The following LRFN2 variants were observed in gnomAD, a reference collection of about 807,000 sequenced individuals.
LRFN2 encodes the protein leucine rich repeat and fibronectin type III domain containing 2.
A neutral mutation model predicts 37.3 loss-of-function variants in LRFN2; 18 were observed. That is an observed-to-expected ratio of 0.48 (90% CI 0.33 to 0.72). LRFN2 has a LOEUF of 0.72. Ranked by LOEUF, LRFN2 falls within the 30% of genes least tolerant of loss-of-function variation. The pLI, the probability that LRFN2 is intolerant of heterozygous loss-of-function variation, is 0.02. For missense variants in LRFN2, 1,006 were observed against 1,060.7 expected (o/e 0.95, Z 0.72); for synonymous variants, 556 against 466.6 (o/e 1.19, Z -2.47).
chr6:40,450,752 C>G (rs1361657259), intron 1 of LRFN2, among the ~76,000 whole-genome samples: 2 of 152,346 alleles, frequency 1.3e-5, no homozygotes, highest in East Asian at 3.9e-4. Flanking sequence ...AACTATGAAA[C>G]AAATTTTCAC....
In LRFN2 at chr6:40,450,632, C is replaced by T. The variant is rs144590211; in HGVS notation, c.-18-17501G>A. 7.2e-5 allele frequency among the ~76,000 whole-genome samples: 11 copies of T among 152,328 alleles called. No individual in the cohort carries two copies. In the East Asian group the frequency reaches 1.2e-3, roughly 16 times the overall value. Reference sequence around the variant, plus strand: ...CCGTCATGGGCAGACTGGTTATACACGGGCAACACCAAGTGAGGACACTCA... The same window carrying T: ...CCGTCATGGGCAGACTGGTTATACATGGGCAACACCAAGTGAGGACACTCA... On this transcript the variant is annotated intron_variant, in intron 1 of 2. Coordinates refer to ENST00000338305, the MANE Select transcript of LRFN2 (RefSeq NM_020737.3).
chr6:40,403,066 C>T (rs1468658505), intron 2 of LRFN2, among the ~76,000 whole-genome samples: 1 of 152,204 alleles, frequency 6.6e-6, no homozygotes, highest in East Asian at 1.9e-4. Context: ...GAGCCAGGTT[C>T]TTGCAAGTAT....
chr6:40,393,312 G>T (rs1168020242), intron 2 of LRFN2, among the ~76,000 whole-genome samples: 3 of 151,800 alleles, frequency 2.0e-5, no homozygotes, highest in African/African-American at 7.3e-5. Context: ...CCGAGGATGT[G>T]TCAGAGACCA....
chr6:40,452,260 C>T (rs2217721), intron 1 of LRFN2, among the ~76,000 whole-genome samples: 79,931 of 152,016 alleles, frequency 0.53, 21,158 homozygotes, highest in South Asian at 0.59. Flanking sequence ...ATGTCCATGG[C>T]ATCACCTGGC....
chr6:40,427,186 A>G (rs966784861), intron 2 of LRFN2, among the ~76,000 whole-genome samples: 1 of 152,374 alleles, frequency 6.6e-6, no homozygotes, highest in East Asian at 1.9e-4. Context: ...TATCAATCTT[A>G]ATTAGAAAAT....
intron 1 of LRFN2, among the ~76,000 whole-genome samples, chr6:40,446,111 C>T (rs941557227): frequency 6.6e-6 from 1 of 152,104 alleles, no homozygotes; most frequent in African/African-American, 2.4e-5. Flanking sequence ...TCCTGGGGAC[C>T]TCACCATTAG....
intron 1 of LRFN2, among the ~76,000 whole-genome samples, chr6:40,502,079 C>T (rs1165678542): frequency 2.0e-5 from 3 of 152,164 alleles, no homozygotes; most frequent in Non-Finnish European, 2.9e-5. Flanking sequence ...AAAATAACTA[C>T]CTTTCCACTT....
At chr6:40,413,697 T>A (rs1763024529) in intron 2 of LRFN2, among the ~76,000 whole-genome samples, 1 of 152,138 alleles carries the variant, frequency 6.6e-6, no homozygotes, top group Admixed American at 6.5e-5. Context: ...CCCAGGCCCT[T>A]GAAGCAGCCG....
intron 1 of LRFN2, among the ~76,000 whole-genome samples, chr6:40,580,108 T>A (rs1322129956): frequency 2.0e-5 from 3 of 152,250 alleles, no homozygotes; most frequent in African/African-American, 7.2e-5. Context: ...CGTAGCTTGA[T>A]CCCATCATGA....
At chr6:40,443,004 T>A (rs1581709478) in intron 1 of LRFN2, among the ~76,000 whole-genome samples, 2 of 144,390 alleles carry the variant, frequency 1.4e-5, no homozygotes, top group East Asian at 4.1e-4. Context: ...CTTAGGATTC[T>A]AATAACCCCT....
At chr6:40,480,501 C>T (rs568560509) in intron 1 of LRFN2, among the ~76,000 whole-genome samples, 59 of 152,170 alleles carry the variant, frequency 3.9e-4, no homozygotes, top group Admixed American at 7.8e-4. Flanking sequence ...TGGTCACGAC[C>T]TCCTGGGTTC....
At chr6:40,491,271 A>G (rs1765087250) in intron 1 of LRFN2, among the ~76,000 whole-genome samples, 1 of 152,176 alleles carries the variant, frequency 6.6e-6, no homozygotes. Flanking sequence ...TTGGGACCCC[A>G]CGAATTTAAC....
At chr6:40,429,440 T>G (rs1303292434) in intron 2 of LRFN2, among the ~76,000 whole-genome samples, 2 of 152,224 alleles carry the variant, frequency 1.3e-5, no homozygotes, top group East Asian at 3.8e-4. Flanking sequence ...CATGACCATA[T>G]AATAAATTCA....
intron 1 of LRFN2, among the ~76,000 whole-genome samples, chr6:40,490,742 C>A (rs922697541): frequency 9.2e-5 from 14 of 152,206 alleles, no homozygotes; most frequent in African/African-American, 3.4e-4. Context: ...GAGAAGCCTG[C>A]CACCAGAGAC....
chr6:40,529,283 G>A (rs940721803), intron 1 of LRFN2, among the ~76,000 whole-genome samples: 10 of 152,328 alleles, frequency 6.6e-5, no homozygotes, highest in Admixed American at 4.6e-4. Flanking sequence ...GGAAGGGAAA[G>A]TCCCAGTCAT....
chr6:40,402,469 A>T (rs763385385), intron 2 of LRFN2, among the ~76,000 whole-genome samples: 1 of 152,184 alleles, frequency 6.6e-6, no homozygotes, highest in African/African-American at 2.4e-5. Flanking sequence ...AAAAAATAAC[A>T]TGCCTTACTT....
chr6:40,526,088 C>T (rs891013606), intron 1 of LRFN2, among the ~76,000 whole-genome samples: 2 of 152,246 alleles, frequency 1.3e-5, no homozygotes, highest in African/African-American at 4.8e-5. Context: ...GTTCTGAGCA[C>T]TGCTTATGGG....
intron 1 of LRFN2, among the ~76,000 whole-genome samples, chr6:40,526,460 G>A (rs1050244312): frequency 6.6e-6 from 1 of 152,170 alleles, no homozygotes; most frequent in East Asian, 1.9e-4. Context: ...CCAGGAAGGC[G>A]TGACCTTACC....
Position 40,438,772 on chromosome 6 carries a change from C to G in LRFN2, c.-18-5641G>C, listed in dbSNP as rs932329360. 3.9e-5 allele frequency among the ~76,000 whole-genome samples: 6 copies of G among 152,194 alleles called. No homozygotes were observed. The South Asian group carries it at 1.2e-3, about 32-fold the overall frequency. On this transcript the variant is annotated intron_variant, in intron 1 of 2. Coordinates refer to ENST00000338305, the MANE Select transcript of LRFN2 (RefSeq NM_020737.3). Reference sequence around the variant, plus strand: ...CTGGCATTCTCGGAAGTAGAGAGGCCTAACTGGCCCAGAAAGACCCACCTG... The same window carrying G: ...CTGGCATTCTCGGAAGTAGAGAGGCGTAACTGGCCCAGAAAGACCCACCTG...
Sources: allele counts gnomAD v4.1 joint callset (sites outside exome capture counted in the v4.1 genomes callset), GRCh38; gene constraint gnomAD v4.1.1; transcripts MANE v1.5; gene names NCBI Gene and HGNC (gene_info 2026-07-23, HGNC 2026-07-21).